MAPK14: variants seen among roughly 807,000 people sequenced by gnomAD.
MAPK14 encodes the protein mitogen-activated protein kinase 14, also known as CSAID-binding protein.
Under a neutral mutation model 49.6 loss-of-function variants are expected in MAPK14, and 16 were observed. That is an observed-to-expected ratio of 0.32 (90% CI 0.22 to 0.49). The LOEUF (loss-of-function observed/expected upper bound fraction) is 0.49. Among genes scored for constraint, MAPK14 ranks in the 20% least tolerant of loss-of-function variants. The pLI is 0.99. For synonymous variants in MAPK14, 142 were observed against 158.0 expected (o/e 0.90, Z 0.76); for missense variants, 200 against 441.2 (o/e 0.45, Z 4.90).
chr6:36,088,890 TA>T (rs567529713), intron 8 of MAPK14, among the ~76,000 whole-genome samples: 1 of 152,074 alleles, frequency 6.6e-6, no homozygotes, highest in Non-Finnish European at 1.5e-5. Context: ...TGGTGATTAT[TA>T]AAAAGTCAAG....
chr6:36,059,406 T>G (rs1226741749), intron 3 of MAPK14, 59 bp downstream of exon 3: 27 of 1,191,462 alleles, frequency 2.3e-5, no homozygotes, highest in Admixed American at 6.9e-5. Flanking sequence ...AATAGCCCAT[T>G]TCTATTCCTG....
At chr6:36,081,302 T>C (rs1764750825) in intron 8 of MAPK14, among the ~76,000 whole-genome samples, 1 of 152,200 alleles carries the variant, frequency 6.6e-6, no homozygotes, top group African/African-American at 2.4e-5. Context: ...TTGTAACTAC[T>C]AGGAATATAA....
At position 36,074,011 on chromosome 6, in the gene MAPK14, A is replaced by G. The variant is rs371230275; in HGVS notation, c.448-38A>G. 93 of 1,502,926 alleles carry G rather than the reference A, an allele frequency of 6.2e-5. No homozygotes were observed. The African/African-American group carries it at 1.2e-3, about 20-fold the overall frequency. 93.1% of individuals were successfully genotyped at this position (1,502,926 alleles called of 1,614,324 possible). On this transcript the variant is annotated intron_variant, in intron 5 of 11. Transcript: ENST00000229794. ...GTAGGGGGAGAATTGATCATGCATC[A>G]TAAAGTTGATCCTGTCTTCCCTGTA...
intron 9 of MAPK14, among the ~76,000 whole-genome samples, chr6:36,098,229 G>C (rs1765513694): frequency 6.6e-6 from 1 of 152,246 alleles, no homozygotes; most frequent in Admixed American, 6.5e-5. Context: ...TGCCGAGTAA[G>C]AGAATGCAGT....
chr6:36,036,771 C>T lies in MAPK14; in HGVS notation c.116+8498C>T, dbSNP rs550816261. ...TATTTATTTTTTCTAGATGGAGTCT[C>T]GCTCTGTTGCCCAGCCTGGAGTGCA... On this transcript the variant is annotated intron_variant, in intron 1 of 11. Transcript: ENST00000229794. 6.5e-4 allele frequency among the ~76,000 whole-genome samples: 99 copies of T among 152,176 alleles called. 1 individual carries two copies. The highest frequency in any genetic ancestry group is 2.3e-3 in the African/African-American group (96 of 41,534).
At chr6:36,059,383 C>T (rs761470341) in intron 3 of MAPK14, 36 bp downstream of exon 3, 11 of 1,451,520 alleles carry the variant, frequency 7.6e-6, no homozygotes. Context: ...TCCTGGTCTA[C>T]AGAATGAAGA....
chr6:36,060,538 G>A (rs867334841), intron 3 of MAPK14, among the ~76,000 whole-genome samples: 1 of 152,176 alleles, frequency 6.6e-6, no homozygotes, highest in South Asian at 2.1e-4. Flanking sequence ...TGAAGATCGT[G>A]ACTTCTCTTC....
rs182198197 is a variant in MAPK14, at chr6:36,102,243, G to A, written c.763-328G>A. 1.8e-3 allele frequency among the ~76,000 whole-genome samples: 270 copies of A among 152,344 alleles called. 1 individual carries two copies. Among genetic ancestry groups the A allele is most frequent in the African/African-American group, 6.0e-3 (251 of 41,570 alleles). On this transcript the variant is annotated intron_variant, in intron 9 of 11. Coordinates refer to ENST00000229794, the MANE Select transcript of MAPK14 (RefSeq NM_139012.3). ...ACCAATTTAGCTGTTTGAGAAGGCT[G>A]TCTCAGGGCTACTTCTTACATATCT...
intron 1 of MAPK14, among the ~76,000 whole-genome samples, chr6:36,042,809 C>T (rs1161138739): frequency 6.6e-6 from 1 of 151,974 alleles, no homozygotes; most frequent in African/African-American, 2.4e-5. Context: ...CAGGAAACAT[C>T]TTATAAAATC....
intron 3 of MAPK14, among the ~76,000 whole-genome samples, chr6:36,061,709 G>C (rs1581769993): frequency 6.6e-6 from 1 of 152,242 alleles, no homozygotes; most frequent in African/African-American, 2.4e-5. Context: ...TGTCTGGTTG[G>C]GGGAAACGAA....
At chr6:36,090,100 G>C (rs1317932041) in intron 8 of MAPK14, among the ~76,000 whole-genome samples, 1 of 152,012 alleles carries the variant, frequency 6.6e-6, no homozygotes, top group East Asian at 1.9e-4. Context: ...CCTGGTCTAT[G>C]GGAGTTTTCC....
At chr6:36,076,716 T>C (rs2127446238) in intron 8 of MAPK14, 108 bp downstream of exon 8, 1 of 787,622 alleles carries the variant, frequency 1.3e-6, no homozygotes, top group East Asian at 2.7e-5. Context: ...ATTTTGCTTT[T>C]ATAGTCTAGA....
Position 36,034,057 on chromosome 6 carries a change from C to T in MAPK14, c.116+5784C>T, listed in dbSNP as rs144618019. On this transcript the variant is annotated intron_variant, in intron 1 of 11. Transcript: ENST00000229794. Reference sequence around the variant, plus strand: ...TGATAGATGTGGGCTGCTGAGGTTGCGCGGTGGCACCTTCTCTTATGCAGT... The same window carrying T: ...TGATAGATGTGGGCTGCTGAGGTTGTGCGGTGGCACCTTCTCTTATGCAGT... Among the ~76,000 whole-genome samples the T allele has an allele frequency of 2.6e-5, 4 of 152,220 alleles. No homozygotes were observed. In the East Asian group the frequency reaches 5.8e-4, roughly 22 times the overall value.
chr6:36,052,307 C>T (rs922902894), intron 1 of MAPK14, among the ~76,000 whole-genome samples: 1 of 152,314 alleles, frequency 6.6e-6, no homozygotes, highest in East Asian at 1.9e-4. Context: ...CTAGATCAGG[C>T]AGCTGCCAGT....
At chr6:36,074,209 G>C in intron 6 of MAPK14, 113 bp downstream of exon 6, 1 of 669,788 alleles carries the variant, frequency 1.5e-6, no homozygotes, top group Non-Finnish European at 2.5e-6. Flanking sequence ...TCTGAAATTC[G>C]TATTATTTTT....
chr6:36,038,517 A>G (rs1019108370), intron 1 of MAPK14, among the ~76,000 whole-genome samples: 8 of 152,190 alleles, frequency 5.3e-5, no homozygotes, highest in Admixed American at 3.9e-4. Flanking sequence ...GACATGACCT[A>G]AATCTTGTTT....
intron 1 of MAPK14, among the ~76,000 whole-genome samples, chr6:36,037,368 A>T (rs977920939): frequency 1.3e-5 from 2 of 152,152 alleles, no homozygotes; most frequent in African/African-American, 4.8e-5. Flanking sequence ...TGACAAATGG[A>T]TACTGGGTTT....
Position 36,110,150 on chromosome 6 carries a change from A to G in MAPK14, c.*1703A>G, listed in dbSNP as rs1765922576. 6.6e-6 allele frequency: 1 copy of G among 152,230 alleles called. No individual in the cohort carries two copies. 9.4% of individuals were successfully genotyped at this position (152,230 alleles called of 1,614,324 possible). ...CATATATTTAAGCCTTTTGTGTAAT[A>G]AGAAAGTATAAAGTCACTTCCAGTG... On this transcript the variant is annotated 3_prime_UTR_variant, in exon 12 of 12. Coordinates refer to ENST00000229794, the MANE Select transcript of MAPK14 (RefSeq NM_139012.3).
intron 3 of MAPK14, among the ~76,000 whole-genome samples, chr6:36,066,614 A>G (rs964275237): frequency 6.6e-6 from 1 of 152,176 alleles, no homozygotes. Context: ...TTTATTCCAG[A>G]CAGAGAATGA....
Sources: allele counts gnomAD v4.1 joint callset (sites outside exome capture counted in the v4.1 genomes callset), GRCh38; gene constraint gnomAD v4.1.1; transcripts MANE v1.5; gene names NCBI Gene and HGNC (gene_info 2026-07-23, HGNC 2026-07-21).